Variants in METTL14 observed in about 807,000 individuals in gnomAD.
METTL14 encodes methyltransferase 14, N6-adenosine-methyltransferase non-catalytic subunit, also known as N(6)-adenosine-methyltransferase non-catalytic subunit METTL14.
In METTL14, 32 loss-of-function variants were observed where a neutral mutation model predicts 62.4. That is an observed-to-expected ratio of 0.51 (90% CI 0.39 to 0.69). The LOEUF (loss-of-function observed/expected upper bound fraction) is 0.69. Among genes scored for constraint, METTL14 ranks in the 30% least tolerant of loss-of-function variants. The pLI is 0.00. For missense variants in METTL14, 340 were observed against 551.9 expected, an observed-to-expected ratio of 0.62 and a Z score of 3.85; for synonymous variants, 150 against 180.0, an observed-to-expected ratio of 0.83 and a Z score of 1.34.
intron 7 of METTL14, among the ~76,000 whole-genome samples, chr4:118,698,328 C>T (rs548178737): frequency 6.6e-6 from 1 of 151,816 alleles, no homozygotes; most frequent in African/African-American, 2.4e-5. Flanking sequence ...TGGCACGTAC[C>T]TGTAATCCCA....
Position 118,685,400 on chromosome 4 carries a change from A to C in METTL14, c.-135A>C, listed in dbSNP as rs536993934. On this transcript the variant is annotated 5_prime_UTR_variant, in exon 1 of 11. Coordinates refer to ENST00000388822, the MANE Select transcript of METTL14 (RefSeq NM_020961.4). ...AATTCCGGCCGCGCCGGAAGTCTCT[A>C]CTGAGGAAAGCTATGAGGATACTCT... 2.4e-4 allele frequency: 212 copies of C among 876,332 alleles called. No individual in the cohort carries two copies. Among genetic ancestry groups the C allele is most frequent in the Non-Finnish European group, 3.5e-4 (189 of 537,008 alleles). The allele number at this position is 876,332 out of a possible 1,614,324, so 54.3% of individuals were successfully genotyped here.
At chr4:118,702,012 G>A (rs1426784775) in intron 8 of METTL14, among the ~76,000 whole-genome samples, 2 of 151,498 alleles carry the variant, frequency 1.3e-5, no homozygotes, top group East Asian at 3.9e-4. Context: ...AAACATACAT[G>A]TTTTTATAGG....
Position 118,688,010 on chromosome 4 carries a change from A to C in METTL14, c.154A>C (p.Arg52=). 6.3e-7 allele frequency: 1 copy of C among 1,583,056 alleles called. No homozygotes were observed. Among genetic ancestry groups the C allele is most frequent in the South Asian group, 1.1e-5 (1 of 88,830 alleles). The change falls in exon 2 of 11, where the codon AGG becomes CGG. Residue 52 remains arginine (R), a splice_region_variant and synonymous_variant. Coordinates refer to ENST00000388822, the MANE Select transcript of METTL14 (RefSeq NM_020961.4). ...REIAETRETC[R]ASYDTSAPNA... ...AATTGCTGAAACAAGAGAAACTTGC[A>C]GGTCAGTCAGATAATTCTTTTTTTT... is the stretch of plus-strand genomic sequence containing the variant.
intron 6 of METTL14, among the ~76,000 whole-genome samples, chr4:118,696,450 T>A (rs188041967): frequency 6.6e-6 from 1 of 152,148 alleles, no homozygotes; most frequent in African/African-American, 2.4e-5. Flanking sequence ...GAAGATCACT[T>A]GAGCCCAGGA....
In METTL14 at chr4:118,713,777, G is replaced by T. The variant is rs751422000; in HGVS notation, c.*3475G>T. 2.6e-5 allele frequency: 4 copies of T among 152,080 alleles called. No homozygotes were observed. The highest frequency in any genetic ancestry group is 5.9e-5 in the Non-Finnish European group (4 of 68,018). The allele number at this position is 152,080 out of a possible 1,614,324, so 9.4% of individuals were successfully genotyped here. On this transcript the variant is annotated 3_prime_UTR_variant, in exon 11 of 11. Coordinates refer to ENST00000388822, the MANE Select transcript of METTL14 (RefSeq NM_020961.4). ...AAATCTAGGACTTCTCAAAAGATTA[G>T]AACATTTATCCAGTAAACTGACTCC...
chr4:118,715,321 G>C lies in METTL14; in HGVS notation c.*5019G>C, dbSNP rs2110415200. ...TGATATATCCAGTTTAGTAGTTTATGCTGGTTAAATGATCAAAGTAATTGC... is the reference window on the plus strand; with the variant it reads ...TGATATATCCAGTTTAGTAGTTTATCCTGGTTAAATGATCAAAGTAATTGC... On this transcript the variant is annotated 3_prime_UTR_variant, in exon 11 of 11. Transcript: ENST00000388822. 6.6e-6 allele frequency: 1 copy of C among 152,288 alleles called. No homozygotes were observed. The highest frequency in any genetic ancestry group is 2.1e-4 in the South Asian group (1 of 4,826). The allele number at this position is 152,288 out of a possible 1,614,324, so 9.4% of individuals were successfully genotyped here.
intron 7 of METTL14, 142 bp downstream of exon 7, chr4:118,697,465 A>G: frequency 1.4e-6 from 1 of 713,560 alleles, no homozygotes; most frequent in Non-Finnish European, 2.1e-6. Context: ...TTATAGCTGA[A>G]GGTCCAAGGT....
intron 8 of METTL14, among the ~76,000 whole-genome samples, chr4:118,701,734 T>C (rs2110406614): frequency 6.6e-6 from 1 of 152,356 alleles, no homozygotes; most frequent in African/African-American, 2.4e-5. Flanking sequence ...ATTTAATGAT[T>C]CCAATTTGGG....
Position 118,697,420 on chromosome 4 carries a change from T to G in METTL14, c.645+97T>G, listed in dbSNP as rs916835052. The G allele has an allele frequency of 3.9e-6, 4 of 1,035,090 alleles. No homozygotes were observed. The Middle Eastern group carries it at 8.7e-4, about 224-fold the overall frequency. 64.1% of individuals were successfully genotyped at this position (1,035,090 alleles called of 1,614,324 possible). A position where few individuals can be genotyped will look rare whatever the true frequency, so the allele number is the denominator to read the frequency against. On this transcript the variant is annotated intron_variant, in intron 7 of 10. Transcript: ENST00000388822. ...GAGATAATAAATATCATCCCTACTT[T>G]TGTAGGGATTATAAATGTAGATTTA...
chr4:118,698,707 G>A (rs1299791024), intron 7 of METTL14, among the ~76,000 whole-genome samples: 4 of 152,046 alleles, frequency 2.6e-5, no homozygotes, highest in Admixed American at 6.6e-5. Flanking sequence ...AACTGAGAGT[G>A]AGTTTCAGAA....
chr4:118,686,176 C>T (rs1222948761), intron 1 of METTL14, among the ~76,000 whole-genome samples: 1 of 152,194 alleles, frequency 6.6e-6, no homozygotes, highest in Non-Finnish European at 1.5e-5. Context: ...ATTACCTTCA[C>T]TTATCAAGTA....
intron 6 of METTL14, among the ~76,000 whole-genome samples, chr4:118,696,442 A>G (rs913840568): frequency 1.9e-4 from 29 of 152,126 alleles, no homozygotes; most frequent in African/African-American, 7.0e-4. Context: ...TAAGGTGGGA[A>G]GATCACTTGA....
intron 7 of METTL14, among the ~76,000 whole-genome samples, chr4:118,698,981 G>A (rs148415217): frequency 4.7e-4 from 72 of 152,174 alleles, no homozygotes; most frequent in African/African-American, 1.7e-3. Flanking sequence ...ACATATAAAA[G>A]AAATTTAAAA....
chr4:118,702,789 T>C (rs963430626), intron 8 of METTL14, among the ~76,000 whole-genome samples: 5 of 151,366 alleles, frequency 3.3e-5, no homozygotes, highest in African/African-American at 9.7e-5. Context: ...TAAAATAAAA[T>C]TCTGAGTTTC....
At chr4:118,707,630 C>T (rs962974662) in intron 10 of METTL14, among the ~76,000 whole-genome samples, 18 of 144,860 alleles carry the variant, frequency 1.2e-4, no homozygotes, top group African/African-American at 4.7e-4. Context: ...TGCCACTGTA[C>T]TCCAGCCAGG....
intron 1 of METTL14, among the ~76,000 whole-genome samples, chr4:118,686,974 A>C (rs1724084652): frequency 1.3e-5 from 2 of 152,246 alleles, no homozygotes; most frequent in South Asian, 4.1e-4. Flanking sequence ...AAGGTAGTAA[A>C]GTTCAGCCTT....
At chr4:118,698,477 AT>A (rs1724490157) in intron 7 of METTL14, among the ~76,000 whole-genome samples, 7 of 143,024 alleles carry the variant, frequency 4.9e-5, no homozygotes, top group Admixed American at 6.9e-5. Context: ...AAAAAAAAAA[AT>A]TTTGGAAAAA....
At chr4:118,701,731 G>A (rs1313881453) in intron 8 of METTL14, among the ~76,000 whole-genome samples, 1 of 152,100 alleles carries the variant, frequency 6.6e-6, no homozygotes, top group African/African-American at 2.4e-5. Context: ...CTCATTTAAT[G>A]ATTCCAATTT....
chr4:118,703,996 A>C lies in METTL14; in HGVS notation c.800A>C (p.Asn267Thr). 1 of 1,596,852 alleles carries C rather than the reference A, an allele frequency of 6.3e-7. No homozygotes were observed. Among genetic ancestry groups the C allele is most frequent in the Non-Finnish European group, 8.5e-7 (1 of 1,175,542 alleles). Residue 267 changes from asparagine (N) to threonine (T), a missense_variant, in exon 9 of 11, where the codon AAC becomes ACC. Physicochemically the swap from Asn to Thr is moderately conservative, Grantham distance 65. This residue lies in a region of METTL14 where 58 missense variants were observed against 147.5 expected (regional missense o/e 0.39). Transcript: ENST00000388822. ...EDICWIKTNK[N>T]NPGKTKTLDP... Reference sequence around the variant, plus strand: ...ATTTGTTGGATTAAAACCAATAAAAACAATCCTGGGAAGACTAAGACTTTA... The same window carrying C: ...ATTTGTTGGATTAAAACCAATAAAACCAATCCTGGGAAGACTAAGACTTTA...
Sources: allele counts gnomAD v4.1 joint callset (sites outside exome capture counted in the v4.1 genomes callset), GRCh38; gene constraint gnomAD v4.1.1; regional missense constraint gnomAD v4.1.1; transcripts MANE v1.5; gene names NCBI Gene and HGNC (gene_info 2026-07-23, HGNC 2026-07-21).